Variants in NID1 observed in about 807,000 individuals in gnomAD.
NID1 encodes the protein nidogen-1.
In NID1, 76 loss-of-function variants were observed where a neutral mutation model predicts 130.6. The ratio of observed to expected loss-of-function variants is 0.58; its 90% CI spans 0.48 to 0.70. The LOEUF (loss-of-function observed/expected upper bound fraction) is 0.70, where lower values mean the gene tolerates loss of function less well. Among genes scored for constraint, NID1 ranks in the 30% least tolerant of loss-of-function variants. The pLI is 0.00. For missense variants in NID1, 1,517 were observed against 1,664.8 expected (o/e 0.91, Z 1.54); for synonymous variants, 665 against 675.1 (o/e 0.98, Z 0.23).
At chr1:236,002,488 G>A (rs1658103134) in intron 12 of NID1, among the ~76,000 whole-genome samples, 1 of 150,722 alleles carries the variant, frequency 6.6e-6, no homozygotes, top group Admixed American at 6.6e-5. Flanking sequence ...GAGCAACAGA[G>A]CGAGACTCTG....
In NID1 at chr1:236,042,271, C is replaced by T; in HGVS notation, c.774G>A (p.Gln258=). ...NLAKSSNSGQ[Q]GVWVFEIGSP... The stretch of plus-strand genomic sequence containing the variant: ...TCCCAATCTCAAACACCCAGACACC[C>T]TGCTGCCCAGAGTTACTACTCCTAG... Residue 258 remains glutamine, a synonymous_variant, in exon 4 of 20, where the codon CAG becomes CAA. Coordinates refer to ENST00000264187, the MANE Select transcript of NID1 (RefSeq NM_002508.3). The T allele has an allele frequency of 6.2e-7, 1 of 1,604,820 alleles. No individual in the cohort carries two copies.
rs368248311 is a variant in NID1, at chr1:236,048,933, G to A, written c.282C>T (p.Pro94=). The A allele has an allele frequency of 1.5e-5, 25 of 1,614,022 alleles. No homozygotes were observed. The highest frequency in any genetic ancestry group is 1.1e-4 in the African/African-American group (8 of 74,912). Residue 94 remains proline, a synonymous_variant, in exon 2 of 20, where the codon CCC becomes CCT. Coordinates refer to ENST00000264187, the MANE Select transcript of NID1 (RefSeq NM_002508.3). ...TSEPPAKESH[P]GLFPPTFGAV... The stretch of plus-strand genomic sequence containing the variant: ...CACCGAATGTTGGTGGGAAGAGCCC[G>A]GGATGGGATTCTTTGGCCGGGGGTT...
intron 1 of NID1, among the ~76,000 whole-genome samples, chr1:236,062,148 C>T (rs1660053934): frequency 6.6e-6 from 1 of 152,308 alleles, no homozygotes; most frequent in African/African-American, 2.4e-5. Context: ...CAGTTTGTCT[C>T]AAAGACACCT....
At position 235,977,894 on chromosome 1, in the gene NID1, C is replaced by A; in HGVS notation, c.3717G>T (p.Leu1239Phe). 1 of 1,614,150 alleles carries A rather than the reference C, an allele frequency of 6.2e-7. No individual in the cohort carries two copies. ...ATTTCTGTTCGATACAGTCAACTCC[C>A]AAGGTGTTGTCAGGGCAACGGCAGG... The part of the protein sequence containing the change: ...SRTCRCPDNT[L>F]GVDCIEQK The change falls in exon 20 of 20, where the codon TTG becomes TTT. Residue 1239 changes from leucine to phenylalanine, a missense_variant. Transcript: ENST00000264187.
chr1:236,020,283 G>C (rs148057027), intron 9 of NID1, among the ~76,000 whole-genome samples: 1 of 152,200 alleles, frequency 6.6e-6, no homozygotes, highest in Non-Finnish European at 1.5e-5. Flanking sequence ...TCTTGTCATT[G>C]CTGCCTCCTT....
chr1:235,994,875 T>C (rs531829579), intron 12 of NID1, among the ~76,000 whole-genome samples: 3 of 152,200 alleles, frequency 2.0e-5, no homozygotes, highest in Admixed American at 6.5e-5. Flanking sequence ...TTTTATATTT[T>C]TAGTAGAGAC....
intron 12 of NID1, among the ~76,000 whole-genome samples, chr1:236,003,144 A>G (rs1222595233): frequency 3.3e-5 from 5 of 151,242 alleles, no homozygotes; most frequent in Non-Finnish European, 7.4e-5. Flanking sequence ...GGTAGTTGTC[A>G]CTCCTAGTGA....
At position 235,993,752 on chromosome 1, in the gene NID1, T is replaced by C. The variant is rs1231614036; in HGVS notation, c.2648A>G (p.His883Arg). The change falls in exon 13 of 20, where the codon CAC (histidine) becomes CGC (arginine). Residue 883 changes from histidine (H) to arginine (R), a missense_variant. His to Arg is a conservative substitution (Grantham distance 29). Coordinates refer to ENST00000264187, the MANE Select transcript of NID1 (RefSeq NM_002508.3). ...LFVPECDAHG[H>R]YAPTQCHGST... ...GCCGTGGCACTGGGTGGGCGCGTAG[T>C]GCCCGTGCGCATCGCACTCAGGAAC... The C allele has an allele frequency of 1.2e-6, 2 of 1,613,774 alleles. No homozygotes were observed. Among genetic ancestry groups the C allele is most frequent in the Admixed American group, 1.7e-5 (1 of 60,018 alleles).
rs184206432 is a variant in NID1 at position 236,049,819 on chromosome 1, C to T, written c.226-830G>A. 4.7e-3 allele frequency among the ~76,000 whole-genome samples: 707 copies of T among 151,980 alleles called. 6 individuals are homozygous for T. The highest frequency in any genetic ancestry group is 0.016 in the African/African-American group (657 of 41,452). The stretch of plus-strand genomic sequence containing the variant: ...CTTTGGGAGGCCGAGGTGGGCAGAT[C>T]GCGAGGTCAGGAGTTTAAGACCAGC... On this transcript the variant is annotated intron_variant, in intron 1 of 19. Coordinates refer to ENST00000264187, the MANE Select transcript of NID1 (RefSeq NM_002508.3).
At chr1:236,002,514 A>G (rs562140127) in intron 12 of NID1, among the ~76,000 whole-genome samples, 20 of 150,240 alleles carry the variant, frequency 1.3e-4, no homozygotes, top group Admixed American at 8.2e-4. Flanking sequence ...AAACAAACAA[A>G]CAAACAAACA....
chr1:236,035,787 T>C (rs1011139858), intron 5 of NID1, among the ~76,000 whole-genome samples: 54 of 152,306 alleles, frequency 3.5e-4, no homozygotes, highest in Non-Finnish European at 6.5e-4. Context: ...AACAGAGTCA[T>C]TCTGCACACA....
intron 12 of NID1, among the ~76,000 whole-genome samples, chr1:236,007,157 G>A (rs1658272080): frequency 6.6e-6 from 1 of 152,166 alleles, no homozygotes; most frequent in South Asian, 2.1e-4. Context: ...GTGAATAGCT[G>A]GAACTACAGG....
intron 3 of NID1, among the ~76,000 whole-genome samples, 177 bp from the exon 4 acceptor site, chr1:236,042,469 C>T (rs1659483442): frequency 6.6e-6 from 1 of 152,176 alleles, no homozygotes; most frequent in South Asian, 2.1e-4. Context: ...CTGAGGCAGT[C>T]TAGGGCTGTC....
chr1:235,992,080 G>A (rs1355420836), intron 13 of NID1, among the ~76,000 whole-genome samples: 1 of 152,192 alleles, frequency 6.6e-6, no homozygotes, highest in East Asian at 1.9e-4. Context: ...AGCAAGGAGG[G>A]CTAAGAGGGC....
At chr1:236,059,138 C>T (rs529523962) in intron 1 of NID1, among the ~76,000 whole-genome samples, 8 of 152,122 alleles carry the variant, frequency 5.3e-5, no homozygotes, top group South Asian at 4.1e-4. Flanking sequence ...GAACCAAGAA[C>T]GGAACACACA....
chr1:236,007,827 C>T (rs1658293120), intron 12 of NID1, among the ~76,000 whole-genome samples: 1 of 152,188 alleles, frequency 6.6e-6, no homozygotes, highest in South Asian at 2.1e-4. Context: ...CTCCTGAACT[C>T]CTGACGCACA....
chr1:235,991,950 G>A (rs542640503), intron 13 of NID1, among the ~76,000 whole-genome samples: 2 of 152,218 alleles, frequency 1.3e-5, no homozygotes, highest in South Asian at 2.1e-4. Flanking sequence ...TCATGGCCAG[G>A]GGCTCCTTTT....
At chr1:236,053,294 G>A (rs1395271351) in intron 1 of NID1, among the ~76,000 whole-genome samples, 1 of 152,194 alleles carries the variant, frequency 6.6e-6, no homozygotes, top group Non-Finnish European at 1.5e-5. Flanking sequence ...ATAAGCCATA[G>A]GAACTTAAAT....
intron 19 of NID1, 137 bp from the exon 20 acceptor site, chr1:235,978,125 G>A: frequency 1.0e-6 from 1 of 989,154 alleles, no homozygotes; most frequent in South Asian, 1.6e-5. Flanking sequence ...TCAGGAGAAT[G>A]GGGACACTGT....
Sources: allele counts gnomAD v4.1 joint callset (sites outside exome capture counted in the v4.1 genomes callset), GRCh38; gene constraint gnomAD v4.1.1; transcripts MANE v1.5; gene names NCBI Gene and HGNC (gene_info 2026-07-23, HGNC 2026-07-21).